The following TMEM132D variants were observed in gnomAD, a reference collection of about 807,000 sequenced individuals.
TMEM132D encodes transmembrane protein 132D, also known as mature OL transmembrane protein.
A neutral mutation model predicts 62.3 loss-of-function variants in TMEM132D; 21 were observed. The observed-to-expected ratio is 0.34, with a 90% CI of 0.24 to 0.49. TMEM132D has a LOEUF of 0.49. Ranked by LOEUF, TMEM132D falls within the 20% of genes least tolerant of loss-of-function variation. TMEM132D has a pLI of 0.99. For synonymous variants in TMEM132D, 621 were observed against 575.6 expected (o/e 1.08, Z -1.13); for missense variants, 1,346 against 1,402.8 (o/e 0.96, Z 0.65).
At chr12:129,851,667 C>G (rs931185245) in intron 1 of TMEM132D, among the ~76,000 whole-genome samples, 4 of 148,250 alleles carry the variant, frequency 2.7e-5, no homozygotes, top group Non-Finnish European at 5.9e-5. Context: ...CACTGCTTCC[C>G]TACAGCACTG....
In TMEM132D at chr12:129,194,383, C is replaced by A. The variant is rs182042329; in HGVS notation, c.1443+15137G>T. ...CAGAAATCCAAATAATGCATGTTCT[C>A]ACTTATAAGTGGGAGCTAAACTATA... On this transcript the variant is annotated intron_variant, in intron 5 of 8. Transcript: ENST00000422113. Among the ~76,000 whole-genome samples the A allele has an allele frequency of 2.4e-3, 362 of 152,290 alleles. 2 individuals are homozygous for A. The highest frequency in any genetic ancestry group is 8.5e-3 in the African/African-American group (352 of 41,556).
chr12:129,336,216 T>C (rs1869265978), intron 4 of TMEM132D, among the ~76,000 whole-genome samples: 1 of 152,214 alleles, frequency 6.6e-6, no homozygotes, highest in Non-Finnish European at 1.5e-5. Context: ...CAATTCCTAA[T>C]TGGTACACAT....
chr12:129,390,768 C>T lies in TMEM132D; in HGVS notation c.1116-52951G>A, dbSNP rs576139482. Among the ~76,000 whole-genome samples the T allele has an allele frequency of 3.7e-4, 56 of 152,280 alleles. 1 individual carries two copies. In the South Asian group the frequency reaches 0.011, roughly 31 times the overall value. On this transcript the variant is annotated intron_variant, in intron 3 of 8. Coordinates refer to ENST00000422113, the MANE Select transcript of TMEM132D (RefSeq NM_133448.3). ...ACCTGACCCTACCTTGATTAACCCC[C>T]TCCATCCCAGGGTGCTGTATGGAGA...
At chr12:129,759,602 C>A (rs1870285553) in intron 1 of TMEM132D, among the ~76,000 whole-genome samples, 1 of 152,162 alleles carries the variant, frequency 6.6e-6, no homozygotes, top group Non-Finnish European at 1.5e-5. Context: ...AGGTAAAAGT[C>A]CCAGTGCCAG....
intron 2 of TMEM132D, among the ~76,000 whole-genome samples, chr12:129,658,038 C>T (rs1017639520): frequency 6.6e-6 from 1 of 152,146 alleles, no homozygotes; most frequent in Non-Finnish European, 1.5e-5. Context: ...AAATCAAACA[C>T]CATGCATAAA....
In TMEM132D at chr12:129,371,285, G is replaced by A. The variant is rs996611755; in HGVS notation, c.1116-33468C>T. On this transcript the variant is annotated intron_variant, in intron 3 of 8. Coordinates refer to ENST00000422113, the MANE Select transcript of TMEM132D (RefSeq NM_133448.3). The surrounding 1 kb of genome is among the most constrained non-coding windows in gnomAD (Gnocchi z 4.3). ...TGATGATGAAGGTGGTGTTGGTGAC[G>A]ATGATGATGATGATGGAGATAATGA... Among the ~76,000 whole-genome samples, 7 of 149,686 alleles carry A rather than the reference G, an allele frequency of 4.7e-5. No homozygotes were observed. The highest frequency in any genetic ancestry group is 2.0e-4 in the East Asian group (1 of 4,986).
rs201854174 is a variant in TMEM132D at position 129,615,445 on chromosome 12, AT to A, written c.969-84241del. Among the ~76,000 whole-genome samples the A allele has an allele frequency of 7.2e-3, 1,060 of 146,434 alleles. 12 individuals carry two copies. Among genetic ancestry groups the A allele is most frequent in the African/African-American group, 0.023 (906 of 40,234 alleles). On this transcript the variant is annotated intron_variant, in intron 2 of 8. Coordinates refer to ENST00000422113, the MANE Select transcript of TMEM132D (RefSeq NM_133448.3). ...TAATTTATAATTACATTTAAATTAT[AT>A]AAAAAAAAAAGTACGGCCGTGAGAC...
chr12:129,307,901 C>T (rs1881882163), intron 4 of TMEM132D, among the ~76,000 whole-genome samples: 1 of 152,086 alleles, frequency 6.6e-6, no homozygotes, highest in Non-Finnish European at 1.5e-5. Context: ...TCTTGATATC[C>T]CCCACATCCT....
chr12:129,576,922 T>G (rs1348689419), intron 2 of TMEM132D, among the ~76,000 whole-genome samples: 1 of 151,878 alleles, frequency 6.6e-6, no homozygotes, highest in Non-Finnish European at 1.5e-5. Context: ...TACGTTTGTG[T>G]CGTTTGTTTA....
intron 5 of TMEM132D, among the ~76,000 whole-genome samples, chr12:129,128,574 G>A (rs1254051987): frequency 6.6e-6 from 1 of 152,194 alleles, no homozygotes; most frequent in Non-Finnish European, 1.5e-5. Context: ...GACATGTGGG[G>A]CTTACAATTC....
At position 129,074,221 on chromosome 12, in the gene TMEM132D, T is replaced by C; in HGVS notation, c.2954A>G (p.Asp985Gly). The C allele has an allele frequency of 6.2e-7, 1 of 1,614,130 alleles. No homozygotes were observed. The highest frequency in any genetic ancestry group is 1.1e-5 in the South Asian group (1 of 91,068). ...CCTGTCAATGGCAGTGATTTGCTCATCTTGCGAGGAGGCAAAGTTGATGTG... is the reference window on the plus strand; with the variant it reads ...CCTGTCAATGGCAGTGATTTGCTCACCTTGCGAGGAGGCAAAGTTGATGTG... ...ENHINFASSQDEQITAIDRGM... is the reference protein window; with the variant it reads ...ENHINFASSQGEQITAIDRGM... The change falls in exon 9 of 9, where the codon GAT becomes GGT. Residue 985 changes from aspartate (D) to glycine (G), a missense_variant. Transcript: ENST00000422113.
At chr12:129,776,804 A>G (rs556540857) in intron 1 of TMEM132D, among the ~76,000 whole-genome samples, 1,693 of 151,514 alleles carry the variant, frequency 0.011, 25 homozygotes, top group African/African-American at 0.039. Flanking sequence ...AAAAAAAAAA[A>G]AAAGAAAAGG....
chr12:129,726,657 G>A (rs182862690), intron 1 of TMEM132D, among the ~76,000 whole-genome samples: 52 of 152,194 alleles, frequency 3.4e-4, no homozygotes, highest in African/African-American at 1.1e-3. Context: ...TGTGCAGGAC[G>A]GTAGACAGAG....
intron 2 of TMEM132D, among the ~76,000 whole-genome samples, chr12:129,623,736 C>T (rs1879140661): frequency 1.5e-5 from 2 of 132,670 alleles, no homozygotes; most frequent in Admixed American, 1.6e-4. Flanking sequence ...TACATATATA[C>T]ATATATATAC....
At chr12:129,678,178 C>A (rs1735772133) in intron 2 of TMEM132D, among the ~76,000 whole-genome samples, 1 of 152,096 alleles carries the variant, frequency 6.6e-6, no homozygotes, top group African/African-American at 2.4e-5. Context: ...TTCTCTCAGA[C>A]ACCTTAGAAG....
At chr12:129,212,847 T>C (rs1257974574) in intron 4 of TMEM132D, among the ~76,000 whole-genome samples, 1 of 150,684 alleles carries the variant, frequency 6.6e-6, no homozygotes, top group African/African-American at 2.4e-5. Context: ...TGAGAAGGTA[T>C]CACCATTAAA....
At chr12:129,784,403 T>A (rs996760079) in intron 1 of TMEM132D, among the ~76,000 whole-genome samples, 24 of 151,190 alleles carry the variant, frequency 1.6e-4, no homozygotes, top group Non-Finnish European at 2.7e-4. Flanking sequence ...TTTAAAATAT[T>A]TTTTTTTCAA....
At chr12:129,876,513 G>A (rs1874421381) in intron 1 of TMEM132D, among the ~76,000 whole-genome samples, 1 of 152,170 alleles carries the variant, frequency 6.6e-6, no homozygotes, top group Non-Finnish European at 1.5e-5. Context: ...GACCTTATCA[G>A]CAACAAGTAG....
intron 2 of TMEM132D, among the ~76,000 whole-genome samples, chr12:129,598,482 T>G (rs972151158): frequency 6.6e-6 from 1 of 152,194 alleles, no homozygotes; most frequent in Non-Finnish European, 1.5e-5. Context: ...AAATTAGAAA[T>G]AGATGATGTG....
Sources: gnomAD v4.1 joint callset for allele counts (sites outside exome capture counted in the v4.1 genomes callset) on GRCh38, gnomAD v4.1.1 for gene constraint, Gnocchi (gnomAD v3.1) non-coding constraint, MANE v1.5 for transcripts, NCBI Gene and HGNC (gene_info 2026-07-23, HGNC 2026-07-21) for gene names.